Variants in NT5C2 observed in about 807,000 individuals in gnomAD.
The protein encoded by NT5C2 is cytosolic purine 5'-nucleotidase.
NT5C2 carries 58 observed loss-of-function variants against 76.1 expected under a neutral mutation model. That is an observed-to-expected ratio of 0.76 (90% CI 0.62 to 0.95). NT5C2 has a LOEUF of 0.95. Among genes scored for constraint, NT5C2 ranks in the 40% least tolerant of loss-of-function variants. The probability of loss-of-function intolerance (pLI) is 0.00; values close to 1 mark genes in which losing one functional copy is unlikely to be tolerated. For synonymous variants in NT5C2, 229 were observed against 237.4 expected, an observed-to-expected ratio of 0.96 and a Z score of 0.32; for missense variants, 478 against 690.3, an observed-to-expected ratio of 0.69 and a Z score of 3.45.
At chr10:103,148,398 T>C (rs987094036) in intron 3 of NT5C2, among the ~76,000 whole-genome samples, 5 of 151,996 alleles carry the variant, frequency 3.3e-5, no homozygotes, top group Non-Finnish European at 1.5e-5. Context: ...GTCAGGAGAT[T>C]GAGACCATCC....
chr10:103,183,671 T>C (rs2135342508), intron 1 of NT5C2, among the ~76,000 whole-genome samples: 1 of 151,654 alleles, frequency 6.6e-6, no homozygotes, highest in South Asian at 2.1e-4. Flanking sequence ...CATATATATA[T>C]ACTTTAAGTG....
chr10:103,091,051 C>A lies in NT5C2; in HGVS notation c.1212-55G>T, dbSNP rs539308204. 31 of 1,488,720 alleles carry A rather than the reference C, an allele frequency of 2.1e-5. No homozygotes were observed. The South Asian group carries it at 3.5e-4, about 17-fold the overall frequency. The allele number at this position is 1,488,720 out of a possible 1,614,324, so 92.2% of individuals were successfully genotyped here. The stretch of plus-strand genomic sequence containing the variant: ...TCTCTGGGAAGAGCTTTTTTTTATT[C>A]TTTAAGACAGTCTCATTCTGTCACT... On this transcript the variant is annotated intron_variant, in intron 16 of 18. Transcript: ENST00000404739.
intron 4 of NT5C2, among the ~76,000 whole-genome samples, chr10:103,113,598 T>C (rs2073605631): frequency 6.6e-6 from 1 of 152,148 alleles, no homozygotes; most frequent in African/African-American, 2.4e-5. Flanking sequence ...TACCAGGTAC[T>C]AGAAGCTGAG....
chr10:103,100,117 A>C, intron 8 of NT5C2, 98 bp from the exon 9 acceptor site: 1 of 729,968 alleles, frequency 1.4e-6, no homozygotes, highest in Non-Finnish European at 2.4e-6. Context: ...TCCATATCAC[A>C]TGGGTAAAGG....
intron 3 of NT5C2, among the ~76,000 whole-genome samples, chr10:103,156,387 T>C (rs1248342964): frequency 2.6e-5 from 4 of 152,238 alleles, no homozygotes; most frequent in Admixed American, 2.6e-4. Context: ...CCTCACTTCT[T>C]GGATCTATGG....
At chr10:103,113,402 T>A (rs1233772994) in intron 4 of NT5C2, among the ~76,000 whole-genome samples, 1 of 152,198 alleles carries the variant, frequency 6.6e-6, no homozygotes, top group Non-Finnish European at 1.5e-5. Flanking sequence ...TGTTTTCAAT[T>A]TAAGACAGAA....
chr10:103,091,530 A>C, intron 16 of NT5C2, 34 bp downstream of exon 16: 1 of 1,525,234 alleles, frequency 6.6e-7, no homozygotes, highest in Non-Finnish European at 9.1e-7. Flanking sequence ...ATTCCTGAGT[A>C]AGTTTTTGGG....
chr10:103,103,966 G>A (rs1028619910), intron 6 of NT5C2, among the ~76,000 whole-genome samples: 5 of 152,150 alleles, frequency 3.3e-5, no homozygotes, highest in Non-Finnish European at 7.3e-5. Flanking sequence ...CACTCCTCCT[G>A]CCTCAGTCTC....
chr10:103,113,919 A>C (rs1228602943), intron 4 of NT5C2, among the ~76,000 whole-genome samples: 4 of 152,252 alleles, frequency 2.6e-5, no homozygotes, highest in African/African-American at 7.2e-5. Context: ...AGATTCAACT[A>C]ATACATTACA....
At chr10:103,181,935 G>A (rs897064845) in intron 1 of NT5C2, among the ~76,000 whole-genome samples, 6 of 151,852 alleles carry the variant, frequency 4.0e-5, no homozygotes, top group Admixed American at 6.6e-5. Context: ...TCTCCCACCC[G>A]GGAGGCGGAG....
At chr10:103,166,048 A>G (rs2086285174) in intron 3 of NT5C2, among the ~76,000 whole-genome samples, 1 of 152,252 alleles carries the variant, frequency 6.6e-6, no homozygotes, top group Non-Finnish European at 1.5e-5. Context: ...AAGAAATGAT[A>G]CAGAGATTTC....
At chr10:103,175,412 G>C (rs967894279) in intron 2 of NT5C2, 1 of 162,522 alleles carries the variant, frequency 6.2e-6, no homozygotes, top group South Asian at 1.7e-4. Context: ...CACAGCTAGC[G>C]GGTTGGAATG....
chr10:103,102,738 C>T (rs2070107793), intron 6 of NT5C2, among the ~76,000 whole-genome samples: 2 of 151,796 alleles, frequency 1.3e-5, no homozygotes, highest in Admixed American at 1.3e-4. Context: ...GTACGATGAA[C>T]AGAAATATGA....
At chr10:103,101,452 C>T (rs762765596) in intron 6 of NT5C2, 126 bp from the exon 7 acceptor site, 9 of 556,940 alleles carry the variant, frequency 1.6e-5, no homozygotes, top group Non-Finnish European at 1.9e-5. Flanking sequence ...CCGAATATTA[C>T]GCATGGATAG....
chr10:103,122,441 A>T (rs943590376), intron 4 of NT5C2, among the ~76,000 whole-genome samples: 10 of 152,126 alleles, frequency 6.6e-5, no homozygotes, highest in African/African-American at 2.2e-4. Context: ...TTGATATCTC[A>T]TCTAGAGTTA....
chr10:103,107,883 G>A (rs1178326154), intron 4 of NT5C2, among the ~76,000 whole-genome samples: 3 of 151,978 alleles, frequency 2.0e-5, no homozygotes, highest in Admixed American at 6.6e-5. Flanking sequence ...GGCCAGGTGC[G>A]GTGGCTCACG....
intron 4 of NT5C2, among the ~76,000 whole-genome samples, chr10:103,137,262 G>GTA (rs1181585435): frequency 6.6e-6 from 1 of 152,292 alleles, no homozygotes; most frequent in South Asian, 2.1e-4. Context: ...CATTGGGAAA[G>GTA]TATACTGCTT....
At chr10:103,094,676 A>G (rs1374576099) in intron 12 of NT5C2, 7 of 457,842 alleles carry the variant, frequency 1.5e-5, no homozygotes, top group East Asian at 1.2e-4. Context: ...AAGGTCCGGA[A>G]ATCAAGACCA....
At chr10:103,091,089 C>G in intron 16 of NT5C2, 93 bp from the exon 17 acceptor site, 2 of 1,152,218 alleles carry the variant, frequency 1.7e-6, no homozygotes, top group East Asian at 4.9e-5. Flanking sequence ...GGCTGGAGTG[C>G]AGGGGTGTGA....
Sources: allele counts gnomAD v4.1 joint callset (sites outside exome capture counted in the v4.1 genomes callset), GRCh38; gene constraint gnomAD v4.1.1; transcripts MANE v1.5; gene names NCBI Gene and HGNC (gene_info 2026-07-23, HGNC 2026-07-21).